GRM7: variants seen among roughly 807,000 people sequenced by gnomAD.
GRM7 encodes the protein glutamate metabotropic receptor 7, also known as metabotropic glutamate receptor 7.
GRM7 carries 35 observed loss-of-function variants against 84.5 expected under a neutral mutation model. That is an observed-to-expected ratio of 0.41 (90% CI 0.32 to 0.55). The LOEUF (loss-of-function observed/expected upper bound fraction) is 0.55. Ranked by LOEUF, GRM7 falls within the 20% of genes least tolerant of loss-of-function variation. The pLI, the probability that GRM7 is intolerant of heterozygous loss-of-function variation, is 0.19. For synonymous variants in GRM7, 487 were observed against 455.1 expected (o/e 1.07, Z -0.89); for missense variants, 1,003 against 1,194.6 (o/e 0.84, Z 2.36).
At chr3:7,715,882 G>A (rs1467537258) in intron 9 of GRM7, among the ~76,000 whole-genome samples, 1 of 152,048 alleles carries the variant, frequency 6.6e-6, no homozygotes, top group Non-Finnish European at 1.5e-5. Flanking sequence ...GCTACTGCAG[G>A]TATTTGTCTC....
At chr3:7,689,876 G>C (rs2125149861) in intron 9 of GRM7, among the ~76,000 whole-genome samples, 1 of 152,164 alleles carries the variant, frequency 6.6e-6, no homozygotes, top group East Asian at 1.9e-4. Context: ...GGACAGGAGG[G>C]GACAATGCCT....
At chr3:7,376,196 G>A (rs972963146) in intron 4 of GRM7, among the ~76,000 whole-genome samples, 10 of 152,094 alleles carry the variant, frequency 6.6e-5, no homozygotes, top group Admixed American at 3.9e-4. Flanking sequence ...TACACCCATG[G>A]TTCTCGCTGA....
intron 7 of GRM7, among the ~76,000 whole-genome samples, chr3:7,552,256 G>C (rs1206062041): frequency 3.3e-5 from 5 of 152,164 alleles, no homozygotes; most frequent in African/African-American, 9.7e-5. Flanking sequence ...TCACAGTCTT[G>C]GGCAGCTCCA....
rs111752136 is a variant in GRM7, at chr3:7,452,558, T to TTGTGTG, written c.1175-25_1175-20dup. On this transcript the variant is annotated intron_variant, in intron 5 of 9. Transcript: ENST00000357716. Reference sequence around the variant, plus strand: ...TTTGGACATTCTACTCAATGCCAATTTGTGTGTGTGTGTGTGTGTGTGTGT... The same window carrying TTGTGTG: ...TTTGGACATTCTACTCAATGCCAATTTGTGTGTGTGTGTGTGTGTGTGTGTGTGTGT... The TTGTGTG allele has an allele frequency of 1.0e-3, 1,055 of 1,007,208 alleles. 2 individuals are homozygous for TTGTGTG. Among genetic ancestry groups the TTGTGTG allele is most frequent in the African/African-American group, 7.9e-3 (492 of 62,540 alleles). 62.4% of individuals were successfully genotyped at this position (1,007,208 alleles called of 1,614,324 possible).
At chr3:7,018,847 A>C (rs1296481233) in intron 1 of GRM7, among the ~76,000 whole-genome samples, 3 of 152,222 alleles carry the variant, frequency 2.0e-5, no homozygotes, top group African/African-American at 7.2e-5. Flanking sequence ...CTGTAATCTT[A>C]GTACTTTGGG....
intron 7 of GRM7, chr3:7,561,506 C>T: frequency 2.2e-6 from 1 of 456,462 alleles, no homozygotes; most frequent in South Asian, 1.5e-5. Context: ...GGGATAGAGA[C>T]CATTTGTGCC....
intron 2 of GRM7, among the ~76,000 whole-genome samples, chr3:7,167,179 C>T (rs957523467): frequency 6.6e-6 from 1 of 152,176 alleles, no homozygotes; most frequent in Non-Finnish European, 1.5e-5. Context: ...AATACTGTGG[C>T]AGCTTCTCTT....
intron 1 of GRM7, among the ~76,000 whole-genome samples, chr3:6,907,197 G>T (rs1300751347): frequency 6.6e-6 from 1 of 152,078 alleles, no homozygotes; most frequent in Non-Finnish European, 1.5e-5. Context: ...GAGCCACTAT[G>T]CTTGGCCTGT....
At chr3:7,636,047 T>C (rs1698079332) in intron 8 of GRM7, among the ~76,000 whole-genome samples, 1 of 152,186 alleles carries the variant, frequency 6.6e-6, no homozygotes, top group African/African-American at 2.4e-5. Flanking sequence ...ACTTTGAAAA[T>C]ATGTTATATT....
At chr3:6,967,190 T>G (rs1363373592) in intron 1 of GRM7, among the ~76,000 whole-genome samples, 1 of 152,128 alleles carries the variant, frequency 6.6e-6, no homozygotes, top group African/African-American at 2.4e-5. Context: ...TTTATTTTTA[T>G]TTATTTTTAT....
chr3:7,468,909 C>T (rs1698575768), intron 7 of GRM7, among the ~76,000 whole-genome samples: 1 of 152,196 alleles, frequency 6.6e-6, no homozygotes, highest in Admixed American at 6.5e-5. Context: ...AATTAAACCT[C>T]TTTCTTTTAT....
chr3:7,737,533 G>A (rs926604173), intron 9 of GRM7, among the ~76,000 whole-genome samples: 5 of 152,064 alleles, frequency 3.3e-5, no homozygotes, highest in African/African-American at 1.2e-4. Context: ...TGAAATAAAT[G>A]GAATTATCAG....
intron 1 of GRM7, among the ~76,000 whole-genome samples, chr3:7,080,133 A>G (rs1182428138): frequency 6.6e-6 from 1 of 151,982 alleles, no homozygotes; most frequent in African/African-American, 2.4e-5. Flanking sequence ...CACTCACTCC[A>G]CAAACCTCTC....
intron 2 of GRM7, among the ~76,000 whole-genome samples, chr3:7,187,182 G>A (rs2063880): frequency 0.7 from 106,121 of 152,052 alleles, 38,615 homozygotes; most frequent in African/African-American, 0.9. Context: ...ATATGCCCAT[G>A]CTACTGCAGG....
chr3:7,277,809 G>C (rs893386449), intron 2 of GRM7, among the ~76,000 whole-genome samples: 2 of 152,044 alleles, frequency 1.3e-5, no homozygotes, highest in Admixed American at 6.6e-5. Context: ...AAAATAAACA[G>C]GAAAGTGTAC....
chr3:7,284,103 G>T (rs976077892), intron 2 of GRM7, among the ~76,000 whole-genome samples: 7 of 152,136 alleles, frequency 4.6e-5, no homozygotes, highest in African/African-American at 1.7e-4. Flanking sequence ...ATTAAATTGT[G>T]ATAGAAAAAT....
intron 4 of GRM7, among the ~76,000 whole-genome samples, chr3:7,375,537 C>G (rs1694316463): frequency 6.6e-6 from 1 of 152,000 alleles, no homozygotes; most frequent in Non-Finnish European, 1.5e-5. Context: ...ACATATGTTT[C>G]CTTCTCTGAA....
chr3:7,097,432 A>G (rs1007377944), intron 1 of GRM7, among the ~76,000 whole-genome samples: 1 of 152,166 alleles, frequency 6.6e-6, no homozygotes, highest in Admixed American at 6.6e-5. Context: ...TTGGCCTGAA[A>G]GAAGTATTAT....
chr3:7,582,749 T>A (rs979282587), intron 8 of GRM7, among the ~76,000 whole-genome samples: 1 of 152,274 alleles, frequency 6.6e-6, no homozygotes, highest in South Asian at 2.1e-4. Flanking sequence ...TGGCAAACTT[T>A]GAGCCAGTTC....
Sources: gnomAD v4.1 joint callset for allele counts (sites outside exome capture counted in the v4.1 genomes callset) on GRCh38, gnomAD v4.1.1 for gene constraint, MANE v1.5 for transcripts, NCBI Gene and HGNC (gene_info 2026-07-23, HGNC 2026-07-21) for gene names.